AFAP1L2: variants seen among roughly 807,000 people sequenced by gnomAD.
AFAP1L2 encodes actin filament-associated protein 1-like 2.
In AFAP1L2, 46 loss-of-function variants were observed where a neutral mutation model predicts 99.3. That is an observed-to-expected ratio of 0.46 (90% CI 0.37 to 0.59). The LOEUF (loss-of-function observed/expected upper bound fraction) is 0.59. Among genes scored for constraint, AFAP1L2 ranks in the 20% least tolerant of loss-of-function variants. The pLI, the probability that AFAP1L2 is intolerant of heterozygous loss-of-function variation, is 0.00. For synonymous variants in AFAP1L2, 397 were observed against 419.1 expected (o/e 0.95, Z 0.64); for missense variants, 959 against 1,034.9 (o/e 0.93, Z 1.01).
In AFAP1L2 at chr10:114,297,361, C is replaced by T. The variant is rs775582563; in HGVS notation, c.2166G>A (p.Glu722=). The change falls in exon 17 of 19, where the codon GAG becomes GAA. Residue 722 remains glutamate (E), a synonymous_variant. Coordinates refer to ENST00000304129, the MANE Select transcript of AFAP1L2 (RefSeq NM_001001936.3). ...LEQKLKEIDE[E]CRGEESRRVD... Reference sequence around the variant, plus strand: ...CGCGCCTGCTCTCCTCGCCCCGGCACTCCTCGTCAATTTCCTTCAGCTTCT... The same window carrying T: ...CGCGCCTGCTCTCCTCGCCCCGGCATTCCTCGTCAATTTCCTTCAGCTTCT... The T allele has an allele frequency of 1.9e-6, 3 of 1,613,796 alleles. No individual in the cohort carries two copies. In the South Asian group the frequency reaches 3.3e-5, roughly 18 times the overall value.
chr10:114,378,139 G>A (rs1012491359), intron 1 of AFAP1L2, among the ~76,000 whole-genome samples: 7 of 152,206 alleles, frequency 4.6e-5, no homozygotes, highest in Non-Finnish European at 1.5e-5. Flanking sequence ...ACCTGAAGAA[G>A]GATTCTTCTT....
In AFAP1L2 at chr10:114,333,223, T is replaced by C; in HGVS notation, c.218A>G (p.Lys73Arg). Reference protein sequence around the residue: ...NKQQNAESQGKAPEEQGLLPN... With the variant: ...NKQQNAESQGRAPEEQGLLPN... Reference sequence around the variant, plus strand: ...CGTCAGTGATCCCAGCCTCATACCTTTGCCTTGAGACTCTGCATTCTGTTG... The same window carrying C: ...CGTCAGTGATCCCAGCCTCATACCTCTGCCTTGAGACTCTGCATTCTGTTG... The change falls in exon 3 of 19, where the codon AAA becomes AGA. Residue 73 changes from lysine (K) to arginine (R), a missense_variant and splice_region_variant. Around this residue, in one of 2 missense-constraint regions of AFAP1L2, gnomAD observed 383 missense variants for 472.8 expected, o/e 0.81. Transcript: ENST00000304129. The C allele has an allele frequency of 1.9e-6, 3 of 1,613,042 alleles. No individual in the cohort carries two copies. The highest frequency in any genetic ancestry group is 2.5e-6 in the Non-Finnish European group (3 of 1,179,500).
chr10:114,327,149 A>T (rs201819188), intron 4 of AFAP1L2, among the ~76,000 whole-genome samples: 117 of 11,290 alleles, frequency 0.01, 4 homozygotes, highest in Middle Eastern at 0.05. Context: ...ATATATATTT[A>T]TATATATATA....
intron 1 of AFAP1L2, among the ~76,000 whole-genome samples, chr10:114,401,839 G>C (rs1340688267): frequency 6.6e-6 from 1 of 152,170 alleles, no homozygotes; most frequent in African/African-American, 2.4e-5. Context: ...TTTGGAGGAT[G>C]TACAATATAT....
intron 2 of AFAP1L2, among the ~76,000 whole-genome samples, chr10:114,338,339 C>T (rs551675670): frequency 4.6e-5 from 7 of 152,258 alleles, no homozygotes; most frequent in Admixed American, 1.3e-4. Context: ...GGTCCCTGAC[C>T]GTCCCCAAAC....
intron 1 of AFAP1L2, among the ~76,000 whole-genome samples, chr10:114,356,449 G>A (rs1002221759): frequency 7.2e-5 from 11 of 152,258 alleles, no homozygotes; most frequent in African/African-American, 2.6e-4. Flanking sequence ...ATGACATGTT[G>A]AAATGATGAT....
At chr10:114,281,078 T>G in the AFAP1L2 span, 1 of 152,276 alleles carries the variant, frequency 6.6e-6, no homozygotes, top group Non-Finnish European at 1.5e-5. Context: ...CTGAATTGAC[T>G]TGGCGTGTAC....
intron 18 of AFAP1L2, 85 bp from the exon 19 acceptor site, chr10:114,296,153 A>C: frequency 6.3e-7 from 1 of 1,578,094 alleles, no homozygotes; most frequent in Non-Finnish European, 8.7e-7. Context: ...TATACATAGA[A>C]AAAATGTGAG....
At chr10:114,290,498 C>G (rs1014320004), downstream of AFAP1L2, 15 of 1,302,782 alleles carry the variant, frequency 1.2e-5, no homozygotes, top group Admixed American at 3.1e-4. Flanking sequence ...CGTTTACCCA[C>G]GAAACATTTA....
chr10:114,396,862 T>C (rs144025507), intron 1 of AFAP1L2, among the ~76,000 whole-genome samples: 55 of 152,290 alleles, frequency 3.6e-4, no homozygotes, highest in African/African-American at 1.3e-3. Context: ...ATCACACTGA[T>C]TGTGCCTAAT....
chr10:114,294,005 T>C (rs2039839197), downstream of AFAP1L2, among the ~76,000 whole-genome samples: 1 of 152,226 alleles, frequency 6.6e-6, no homozygotes, highest in East Asian at 1.9e-4. Context: ...GTTTATTACA[T>C]GTTGAGATTT....
chr10:114,324,667 C>T (rs1280834223), intron 4 of AFAP1L2, among the ~76,000 whole-genome samples: 1 of 152,230 alleles, frequency 6.6e-6, no homozygotes, highest in African/African-American at 2.4e-5. Flanking sequence ...TTGTGCTGCG[C>T]CCTCCGCGTG....
At chr10:114,379,317 C>G (rs368327464) in intron 1 of AFAP1L2, among the ~76,000 whole-genome samples, 4 of 152,016 alleles carry the variant, frequency 2.6e-5, no homozygotes, top group African/African-American at 9.7e-5. Flanking sequence ...CTGCCCTGTT[C>G]CAGGCTATGC....
chr10:114,301,345 G>T lies in AFAP1L2; in HGVS notation c.1542+9C>A, dbSNP rs530899565. The T allele has an allele frequency of 1.2e-6, 2 of 1,610,550 alleles. No individual in the cohort carries two copies. Among genetic ancestry groups the T allele is most frequent in the Admixed American group, 3.3e-5 (2 of 60,008 alleles). ...AGAGGCCCAGGCCACTGCCTGGCCG[G>T]GTCCTTACCGCAGCTGTGAGCTCTG... On this transcript the variant is annotated intron_variant, in intron 13 of 18. Coordinates refer to ENST00000304129, the MANE Select transcript of AFAP1L2 (RefSeq NM_001001936.3).
chr10:114,310,679 C>T (rs1392186363), intron 7 of AFAP1L2, among the ~76,000 whole-genome samples: 3 of 152,332 alleles, frequency 2.0e-5, no homozygotes, highest in African/African-American at 7.2e-5. Context: ...TCCGCAGGTC[C>T]CACACGTTCA....
chr10:114,308,791 A>G (rs180716722), intron 8 of AFAP1L2, among the ~76,000 whole-genome samples: 4 of 152,326 alleles, frequency 2.6e-5, no homozygotes, highest in Admixed American at 2.0e-4. Context: ...TGCATCCCCT[A>G]TGATGTTAAC....
chr10:114,289,524 C>G, the AFAP1L2 span: 3 of 1,608,028 alleles, frequency 1.9e-6, no homozygotes, highest in African/African-American at 4.0e-5. Flanking sequence ...AGGGCTGCCC[C>G]CATGGCAGGC....
intron 1 of AFAP1L2, among the ~76,000 whole-genome samples, chr10:114,378,061 C>T (rs2055037834): frequency 6.6e-6 from 1 of 152,204 alleles, no homozygotes; most frequent in South Asian, 2.1e-4. Context: ...AGGGAAAGGT[C>T]CTTCAGAATG....
At chr10:114,329,694 A>G (rs1590222424) in intron 4 of AFAP1L2, among the ~76,000 whole-genome samples, 1 of 152,306 alleles carries the variant, frequency 6.6e-6, no homozygotes, top group South Asian at 2.1e-4. Flanking sequence ...CTCTTCCCCC[A>G]GGTATCAGGG....
Sources: allele counts gnomAD v4.1 joint callset (sites outside exome capture counted in the v4.1 genomes callset), GRCh38; gene constraint gnomAD v4.1.1; regional missense constraint gnomAD v4.1.1; transcripts MANE v1.5; gene names NCBI Gene and HGNC (gene_info 2026-07-23, HGNC 2026-07-21).